Variants in UBE2QL1 observed in about 807,000 individuals in gnomAD.
UBE2QL1 encodes the protein ubiquitin-conjugating enzyme E2Q-like protein 1.
UBE2QL1 carries 5 observed loss-of-function variants against 12.6 expected under a neutral mutation model. That is an observed-to-expected ratio of 0.40 (90% CI 0.21 to 0.83). UBE2QL1 has a LOEUF of 0.83. UBE2QL1 is among the 40% of genes least tolerant of loss of function. The pLI is 0.37. For synonymous variants in UBE2QL1, 96 were observed against 94.5 expected (o/e 1.02, Z -0.10); for missense variants, 99 against 222.6 (o/e 0.44, Z 3.53).
intron 1 of UBE2QL1, among the ~76,000 whole-genome samples, chr5:6,483,356 T>C (rs1018499198): frequency 3.3e-5 from 5 of 152,048 alleles, no homozygotes; most frequent in African/African-American, 1.2e-4. Flanking sequence ...GGAGAATCAC[T>C]TGGACCTGGG....
intron 1 of UBE2QL1, among the ~76,000 whole-genome samples, chr5:6,464,162 T>A (rs1739735655): frequency 6.6e-6 from 1 of 152,190 alleles, no homozygotes; most frequent in Admixed American, 6.5e-5. Context: ...GAAACAGGCC[T>A]AGCAAACAAG....
At chr5:6,463,250 G>A (rs1165858268) in intron 1 of UBE2QL1, among the ~76,000 whole-genome samples, 2 of 152,170 alleles carry the variant, frequency 1.3e-5, no homozygotes, top group African/African-American at 2.4e-5. Context: ...AATGGGGTGA[G>A]TACATTCTTT....
chr5:6,484,089 T>A (rs1367950210), intron 1 of UBE2QL1, among the ~76,000 whole-genome samples: 5 of 152,204 alleles, frequency 3.3e-5, no homozygotes, highest in Non-Finnish European at 7.3e-5. Context: ...ATCTGGGAAC[T>A]AAATCACAGC....
intron 1 of UBE2QL1, among the ~76,000 whole-genome samples, chr5:6,486,237 A>G (rs1028837803): frequency 1.1e-4 from 17 of 152,158 alleles, no homozygotes; most frequent in Admixed American, 1.0e-3. Context: ...CACAGCCAGG[A>G]AGTATTGGAG....
chr5:6,487,015 G>A (rs756507938), intron 1 of UBE2QL1, among the ~76,000 whole-genome samples: 2 of 152,168 alleles, frequency 1.3e-5, no homozygotes, highest in Admixed American at 6.5e-5. Flanking sequence ...CTGGTTATCC[G>A]CCCACAGTGG....
In UBE2QL1 at chr5:6,481,551, C is replaced by T. The variant is rs1053423104; in HGVS notation, c.355-9667C>T. Among the ~76,000 whole-genome samples the T allele has an allele frequency of 1.3e-5, 2 of 152,230 alleles. No individual in the cohort carries two copies. The highest frequency in any genetic ancestry group is 1.5e-5 in the Non-Finnish European group (1 of 68,028). ...AGCTCCCACCACTATACCCAGCAGCCTCCTGCCTGGATTTCTGTGCACACC... is the reference window on the plus strand; with the variant it reads ...AGCTCCCACCACTATACCCAGCAGCTTCCTGCCTGGATTTCTGTGCACACC... On this transcript the variant is annotated intron_variant, in intron 1 of 1. Coordinates refer to ENST00000399816, the MANE Select transcript of UBE2QL1 (RefSeq NM_001145161.3). This position sits in a 1 kb window ranked among gnomAD's most constrained non-coding sequence, Gnocchi z 4.5.
chr5:6,470,795 G>A (rs1182773310), intron 1 of UBE2QL1, among the ~76,000 whole-genome samples: 1 of 152,156 alleles, frequency 6.6e-6, no homozygotes, highest in Non-Finnish European at 1.5e-5. Context: ...TTTGCTCCTT[G>A]TACCCTAATT....
In UBE2QL1 at chr5:6,476,530, C is replaced by T. The variant is rs922062831; in HGVS notation, c.355-14688C>T. Among the ~76,000 whole-genome samples, 9 of 152,102 alleles carry T rather than the reference C, an allele frequency of 5.9e-5. No individual in the cohort carries two copies. The highest frequency in any genetic ancestry group is 1.4e-4 in the African/African-American group (6 of 41,416). ...ACTCAATGAGACAATGACCTCAAAA[C>T]GGAAACACCTGGGGGGCTCGGTTAA... is the stretch of plus-strand genomic sequence containing the variant. On this transcript the variant is annotated intron_variant, in intron 1 of 1. Transcript: ENST00000399816. The surrounding 1 kb of genome is among the most constrained non-coding windows in gnomAD (Gnocchi z 4.9).
rs111835422 is a variant in UBE2QL1 at position 6,461,454 on chromosome 5, C to T, written c.354+12207C>T. ...TTTTATTGTATTCCCAGTGATTTTCCCATAGTTTAGAAATATTGAAATGTC... is the reference window on the plus strand; with the variant it reads ...TTTTATTGTATTCCCAGTGATTTTCTCATAGTTTAGAAATATTGAAATGTC... On this transcript the variant is annotated intron_variant, in intron 1 of 1. Coordinates refer to ENST00000399816, the MANE Select transcript of UBE2QL1 (RefSeq NM_001145161.3). 9.3e-4 allele frequency among the ~76,000 whole-genome samples: 141 copies of T among 151,062 alleles called. 1 individual carries two copies. The highest frequency in any genetic ancestry group is 3.2e-3 in the African/African-American group (133 of 41,178).
chr5:6,470,329 C>A (rs1219295940), intron 1 of UBE2QL1, among the ~76,000 whole-genome samples: 1 of 152,150 alleles, frequency 6.6e-6, no homozygotes, highest in Non-Finnish European at 1.5e-5. Flanking sequence ...CCAGGAAAAG[C>A]GTGGATTACG....
chr5:6,488,019 G>A (rs6864381), intron 1 of UBE2QL1, among the ~76,000 whole-genome samples: 44,156 of 152,168 alleles, frequency 0.29, 11,290 homozygotes, highest in African/African-American at 0.69. Context: ...TAAACAGCCA[G>A]TCAGAAGATG....
chr5:6,481,220 C>A lies in UBE2QL1; in HGVS notation c.355-9998C>A, dbSNP rs1191345085. The stretch of plus-strand genomic sequence containing the variant: ...TTTCCTGCTTCTCCTCTTGACTGTC[C>A]CCAGCCAAACACACCCATCCTCCCA... On this transcript the variant is annotated intron_variant, in intron 1 of 1. Coordinates refer to ENST00000399816, the MANE Select transcript of UBE2QL1 (RefSeq NM_001145161.3). The surrounding 1 kb of genome is among the most constrained non-coding windows in gnomAD (Gnocchi z 4.5). Among the ~76,000 whole-genome samples the A allele has an allele frequency of 2.6e-5, 4 of 152,122 alleles. No individual in the cohort carries two copies. The highest frequency in any genetic ancestry group is 6.5e-5 in the Admixed American group (1 of 15,282).
intron 1 of UBE2QL1, among the ~76,000 whole-genome samples, chr5:6,489,737 A>G (rs1167744729): frequency 6.6e-6 from 1 of 152,258 alleles, no homozygotes; most frequent in Non-Finnish European, 1.5e-5. Flanking sequence ...TGGAGTTGTC[A>G]GTGAGTTATC....
chr5:6,463,515 C>G (rs1188081329), intron 1 of UBE2QL1, among the ~76,000 whole-genome samples: 1 of 151,936 alleles, frequency 6.6e-6, no homozygotes, highest in African/African-American at 2.4e-5. Context: ...CACCCCCTCC[C>G]CACATTCTGT....
intron 1 of UBE2QL1, among the ~76,000 whole-genome samples, chr5:6,459,069 C>G (rs995401883): frequency 2.0e-5 from 3 of 152,110 alleles, no homozygotes; most frequent in African/African-American, 7.2e-5. Context: ...GTGCCTTCAT[C>G]CAATGTGAAC....
intron 1 of UBE2QL1, among the ~76,000 whole-genome samples, chr5:6,475,969 G>A (rs1347231404): frequency 2.0e-5 from 3 of 152,222 alleles, no homozygotes; most frequent in African/African-American, 7.2e-5. Context: ...AAGACCTGTC[G>A]GAAAGAATGC....
chr5:6,470,753 A>G (rs1454564431), intron 1 of UBE2QL1, among the ~76,000 whole-genome samples: 1 of 152,130 alleles, frequency 6.6e-6, no homozygotes, highest in African/African-American at 2.4e-5. Flanking sequence ...TCCCTCCCTA[A>G]ACAACCCACG....
At chr5:6,469,632 A>C (rs1560932104) in intron 1 of UBE2QL1, among the ~76,000 whole-genome samples, 1 of 150,878 alleles carries the variant, frequency 6.6e-6, no homozygotes, top group Non-Finnish European at 1.5e-5. Context: ...ATGTATGTTT[A>C]AAGTAGTTAT....
At chr5:6,491,169 A>T in intron 1 of UBE2QL1, 49 bp from the exon 2 acceptor site, 1 of 1,483,264 alleles carries the variant, frequency 6.7e-7, no homozygotes, top group Non-Finnish European at 9.0e-7. Context: ...GGTAGGAAAC[A>T]GAATTCCCAG....
Sources: allele counts gnomAD v4.1 joint callset (sites outside exome capture counted in the v4.1 genomes callset), GRCh38; gene constraint gnomAD v4.1.1; non-coding constraint Gnocchi (gnomAD v3.1); transcripts MANE v1.5; gene names NCBI Gene and HGNC (gene_info 2026-07-23, HGNC 2026-07-21).